PCDH15: variants seen among roughly 807,000 people sequenced by gnomAD.
The protein encoded by PCDH15 is protocadherin-15.
Under a neutral mutation model 178.5 loss-of-function variants are expected in PCDH15, and 129 were observed. The ratio of observed to expected loss-of-function variants is 0.72; its 90% CI spans 0.63 to 0.84. PCDH15 has a LOEUF of 0.84. Ranked by LOEUF, PCDH15 falls within the 40% of genes least tolerant of loss-of-function variation. PCDH15 has a pLI of 0.00. For missense variants in PCDH15, 2,230 were observed against 2,099.9 expected, an observed-to-expected ratio of 1.06 and a Z score of -1.21; for synonymous variants, 800 against 732.0, an observed-to-expected ratio of 1.09 and a Z score of -1.50.
chr10:54,707,917 A>T (rs2095382755), intron 1 of PCDH15, among the ~76,000 whole-genome samples: 1 of 152,210 alleles, frequency 6.6e-6, no homozygotes, highest in African/African-American at 2.4e-5. Flanking sequence ...GCTTAGCCCC[A>T]ATCACTAGAT....
intron 1 of PCDH15, among the ~76,000 whole-genome samples, chr10:55,317,131 G>A (rs1359803503): frequency 6.6e-6 from 1 of 152,112 alleles, no homozygotes; most frequent in African/African-American, 2.4e-5. Context: ...GGGGAGGAGG[G>A]CATAAGAGAA....
rs192460105 is a variant in PCDH15 at position 54,666,128 on chromosome 10, G to A, written c.-28-1838C>T. ...AATATAAATACGTGCTTAATGCAGTGTACTTACAGAATGAGTACCCCCTAA... is the reference window on the plus strand; with the variant it reads ...AATATAAATACGTGCTTAATGCAGTATACTTACAGAATGAGTACCCCCTAA... On this transcript the variant is annotated intron_variant, in intron 1 of 37. Transcript: ENST00000644397. Among the ~76,000 whole-genome samples the A allele has an allele frequency of 1.8e-3, 278 of 152,040 alleles. 1 individual carries two copies. Among genetic ancestry groups the A allele is most frequent in the Non-Finnish European group, 3.4e-3 (234 of 67,932 alleles).
intron 8 of PCDH15, among the ~76,000 whole-genome samples, chr10:54,295,800 A>G (rs2059722137): frequency 6.6e-6 from 1 of 152,130 alleles, no homozygotes; most frequent in East Asian, 1.9e-4. Context: ...ATTCTGTTCT[A>G]TTTTTCCTTA....
intron 29 of PCDH15, among the ~76,000 whole-genome samples, chr10:53,839,165 T>C (rs964571805): frequency 8.0e-6 from 1 of 125,670 alleles, no homozygotes; most frequent in African/African-American, 3.2e-5. Flanking sequence ...ATTGCGCCAC[T>C]GCACTCCAGC....
intron 1 of PCDH15, among the ~76,000 whole-genome samples, chr10:55,308,816 A>T (rs1401793236): frequency 1.3e-5 from 2 of 152,308 alleles, no homozygotes; most frequent in East Asian, 3.9e-4. Context: ...CACATTGCTA[A>T]AGACTTTTGT....
chr10:54,820,643 T>C (rs959582397), intron 3 of PCDH15, among the ~76,000 whole-genome samples: 1 of 152,086 alleles, frequency 6.6e-6, no homozygotes. Flanking sequence ...GATGTTCAAC[T>C]TTGTTTTAGA....
At chr10:54,549,169 T>C (rs2086239352) in intron 2 of PCDH15, among the ~76,000 whole-genome samples, 1 of 151,740 alleles carries the variant, frequency 6.6e-6, no homozygotes, top group African/African-American at 2.4e-5. Flanking sequence ...TTTGATACTT[T>C]ATGTTTTTTA....
chr10:53,887,814 G>C (rs2081205928), intron 26 of PCDH15, among the ~76,000 whole-genome samples: 1 of 152,168 alleles, frequency 6.6e-6, no homozygotes, highest in Non-Finnish European at 1.5e-5. Flanking sequence ...GCGTGAACCC[G>C]GGAGGCGTAG....
chr10:53,882,205 C>T (rs563322239), intron 26 of PCDH15, among the ~76,000 whole-genome samples: 2 of 152,136 alleles, frequency 1.3e-5, no homozygotes, highest in African/African-American at 4.8e-5. Flanking sequence ...TTGCTTCTAG[C>T]ACTCCCCTTA....
intron 14 of PCDH15, among the ~76,000 whole-genome samples, chr10:54,146,199 T>C (rs186257869): frequency 1.7e-4 from 26 of 152,142 alleles, no homozygotes; most frequent in African/African-American, 5.8e-4. Context: ...AATGATCTTT[T>C]AAAGAGAAAA....
At chr10:54,631,336 C>T (rs1250590575) in intron 2 of PCDH15, among the ~76,000 whole-genome samples, 3 of 152,082 alleles carry the variant, frequency 2.0e-5, no homozygotes, top group Non-Finnish European at 4.4e-5. Context: ...AACAATTAGC[C>T]AATTCAATCT....
chr10:55,314,382 A>C (rs1164037734), intron 1 of PCDH15, among the ~76,000 whole-genome samples: 1 of 151,906 alleles, frequency 6.6e-6, no homozygotes, highest in Non-Finnish European at 1.5e-5. Context: ...AGAAAAACAA[A>C]AATAATAATT....
intron 2 of PCDH15, among the ~76,000 whole-genome samples, chr10:54,997,677 T>A (rs1839681868): frequency 6.6e-6 from 1 of 152,212 alleles, no homozygotes; most frequent in Non-Finnish European, 1.5e-5. Context: ...ATAATCCATG[T>A]ATTTAACTTT....
chr10:53,950,235 A>G (rs1369622148), intron 23 of PCDH15, among the ~76,000 whole-genome samples: 7 of 152,150 alleles, frequency 4.6e-5, no homozygotes, highest in African/African-American at 1.7e-4. Flanking sequence ...CTCTGAGTTT[A>G]GCAATATATC....
intron 1 of PCDH15, among the ~76,000 whole-genome samples, chr10:54,745,462 A>G (rs983655793): frequency 1.3e-5 from 2 of 152,180 alleles, no homozygotes; most frequent in African/African-American, 4.8e-5. Flanking sequence ...TCTCTCTGAT[A>G]ATGGTAAATT....
Position 53,823,912 on chromosome 10 carries a change from C to CA in PCDH15, c.4367+3480dup, listed in dbSNP as rs145090918. Reference sequence around the variant, plus strand: ...ACAGATGGGAGTTTGTCTCACAGCCCAAAAATCACAATTGAGAAATTGAAT... The same window carrying CA: ...ACAGATGGGAGTTTGTCTCACAGCCCAAAAAATCACAATTGAGAAATTGAAT... On this transcript the variant is annotated intron_variant, in intron 32 of 37. Coordinates refer to ENST00000644397, the MANE Select transcript of PCDH15 (RefSeq NM_001384140.1). The CA allele has an allele frequency of 2.6e-3, 999 of 379,288 alleles. 9 individuals are homozygous for CA. Among genetic ancestry groups the CA allele is most frequent in the African/African-American group, 0.019 (911 of 47,760 alleles). The allele number at this position is 379,288 out of a possible 1,614,324, so 23.5% of individuals were successfully genotyped here. A position where few individuals can be genotyped will look rare whatever the true frequency, so the allele number is the denominator to read the frequency against.
intron 1 of PCDH15, among the ~76,000 whole-genome samples, chr10:54,782,249 G>T (rs1877425): frequency 1 from 151,630 of 152,206 alleles, 75,531 homozygotes; most frequent in Non-Finnish European, 1. Context: ...TGAACAAGCA[G>T]GGACTTTGCA....
chr10:55,461,029 C>T (rs1839665261), intron 2 of PCDH15, among the ~76,000 whole-genome samples: 1 of 152,112 alleles, frequency 6.6e-6, no homozygotes, highest in African/African-American at 2.4e-5. Context: ...TTGATGTGAA[C>T]AGGCACTATT....
chr10:54,677,658 T>C (rs2094815918), intron 1 of PCDH15, among the ~76,000 whole-genome samples: 1 of 152,200 alleles, frequency 6.6e-6, no homozygotes, highest in Non-Finnish European at 1.5e-5. Context: ...TTAGCAACTT[T>C]GCAGAAGTCT....
Sources: allele counts gnomAD v4.1 joint callset (sites outside exome capture counted in the v4.1 genomes callset), GRCh38; gene constraint gnomAD v4.1.1; transcripts MANE v1.5; gene names NCBI Gene and HGNC (gene_info 2026-07-23, HGNC 2026-07-21).